The following CCSER1 variants were observed in gnomAD, a reference collection of about 807,000 sequenced individuals.
The protein encoded by CCSER1 is serine-rich coiled-coil domain-containing protein 1.
A neutral mutation model predicts 82.0 loss-of-function variants in CCSER1; 41 were observed. The observed-to-expected ratio is 0.50, with a 90% CI of 0.39 to 0.65. The LOEUF (loss-of-function observed/expected upper bound fraction) is 0.65, where lower values mean the gene tolerates loss of function less well. Ranked by LOEUF, CCSER1 falls within the 30% of genes least tolerant of loss-of-function variation. CCSER1 has a pLI of 0.00. For missense variants in CCSER1, 1,119 were observed against 1,064.2 expected (o/e 1.05, Z -0.72); for synonymous variants, 414 against 383.9 (o/e 1.08, Z -0.92).
At chr4:91,449,874 T>C (rs544210776) in intron 10 of CCSER1, among the ~76,000 whole-genome samples, 19 of 152,222 alleles carry the variant, frequency 1.2e-4, no homozygotes, top group Middle Eastern at 3.4e-3. Flanking sequence ...ATATAACTTT[T>C]TAATGTTCTC....
At chr4:90,788,140 G>T (rs571399781) in intron 7 of CCSER1, among the ~76,000 whole-genome samples, 1 of 152,112 alleles carries the variant, frequency 6.6e-6, no homozygotes, top group Non-Finnish European at 1.5e-5. Flanking sequence ...TAAGCACTTG[G>T]AGAGCTTTGA....
At chr4:91,520,642 A>G (rs1208913272) in intron 10 of CCSER1, among the ~76,000 whole-genome samples, 1 of 152,108 alleles carries the variant, frequency 6.6e-6, no homozygotes, top group Non-Finnish European at 1.5e-5. Context: ...TATGGATTCA[A>G]GTTACTGTCT....
intron 8 of CCSER1, among the ~76,000 whole-genome samples, chr4:90,880,800 C>G (rs1293186023): frequency 6.6e-6 from 1 of 152,024 alleles, no homozygotes; most frequent in African/African-American, 2.4e-5. Context: ...GGAGGTATCA[C>G]CATTGAAGGC....
At chr4:91,021,066 C>T (rs180991226) in intron 9 of CCSER1, among the ~76,000 whole-genome samples, 1 of 152,176 alleles carries the variant, frequency 6.6e-6, no homozygotes, top group East Asian at 1.9e-4. Flanking sequence ...ATTATGCCAA[C>T]TTATTTTTGA....
chr4:91,003,603 T>C (rs967765815), intron 9 of CCSER1, among the ~76,000 whole-genome samples: 1 of 152,052 alleles, frequency 6.6e-6, no homozygotes, highest in Non-Finnish European at 1.5e-5. Flanking sequence ...TTTCCAAACA[T>C]TGGGAGAGCA....
At chr4:90,681,945 G>A (rs944037668) in intron 6 of CCSER1, among the ~76,000 whole-genome samples, 42 of 151,722 alleles carry the variant, frequency 2.8e-4, no homozygotes, top group East Asian at 3.9e-4. Flanking sequence ...TAGTATTGCC[G>A]TAAGAAAACA....
At chr4:91,327,256 T>A (rs1051598192) in intron 10 of CCSER1, among the ~76,000 whole-genome samples, 1 of 152,194 alleles carries the variant, frequency 6.6e-6, no homozygotes, top group East Asian at 1.9e-4. Context: ...GTTTCCATAA[T>A]CCTCTGAAAT....
At chr4:90,239,509 T>C (rs1560857730) in intron 1 of CCSER1, among the ~76,000 whole-genome samples, 1 of 152,174 alleles carries the variant, frequency 6.6e-6, no homozygotes, top group Non-Finnish European at 1.5e-5. Context: ...TGATCTGTTA[T>C]ATATATATTA....
intron 1 of CCSER1, among the ~76,000 whole-genome samples, chr4:90,135,891 C>A (rs1418138581): frequency 1.3e-5 from 2 of 152,156 alleles, no homozygotes; most frequent in Non-Finnish European, 2.9e-5. Flanking sequence ...GTTTACTGAA[C>A]AGCTTAATCC....
chr4:90,482,503 G>A (rs529278415), intron 5 of CCSER1, among the ~76,000 whole-genome samples: 1 of 152,136 alleles, frequency 6.6e-6, no homozygotes, highest in Non-Finnish European at 1.5e-5. Context: ...TCTCTTGTGG[G>A]CATTTAGTGC....
intron 3 of CCSER1, among the ~76,000 whole-genome samples, chr4:90,329,610 T>G (rs879017146): frequency 6.6e-6 from 1 of 152,132 alleles, no homozygotes; most frequent in Admixed American, 6.6e-5. Flanking sequence ...GCTATTTACT[T>G]GATTTGTATT....
At chr4:91,185,842 C>T (rs1379550611) in intron 10 of CCSER1, among the ~76,000 whole-genome samples, 5 of 152,152 alleles carry the variant, frequency 3.3e-5, no homozygotes, top group Non-Finnish European at 4.4e-5. Flanking sequence ...GGAGTATTTC[C>T]TTTATCCACT....
chr4:91,099,454 C>G (rs952833215), intron 10 of CCSER1, among the ~76,000 whole-genome samples: 2 of 152,126 alleles, frequency 1.3e-5, no homozygotes, highest in South Asian at 4.1e-4. Flanking sequence ...TGAAAAGGGT[C>G]AAACTCTGTA....
chr4:90,934,452 C>A (rs1311798313), intron 9 of CCSER1, among the ~76,000 whole-genome samples: 1 of 123,294 alleles, frequency 8.1e-6, no homozygotes, highest in African/African-American at 3.4e-5. Context: ...AGAATATTTT[C>A]TTCTTTTGCC....
chr4:90,254,563 T>C (rs1303625804), intron 1 of CCSER1, among the ~76,000 whole-genome samples: 4 of 152,092 alleles, frequency 2.6e-5, no homozygotes, highest in South Asian at 4.1e-4. Flanking sequence ...TTGCCTGCAG[T>C]GGAGCTTCAG....
chr4:91,180,770 T>A (rs1266696604), intron 10 of CCSER1, among the ~76,000 whole-genome samples: 2 of 152,186 alleles, frequency 1.3e-5, no homozygotes, highest in Admixed American at 6.5e-5. Context: ...AGGTGTGAAA[T>A]GGGAAATCAG....
intron 10 of CCSER1, chr4:91,319,561 G>A (rs1746052342): frequency 2.4e-6 from 1 of 423,078 alleles, no homozygotes; most frequent in South Asian, 1.7e-5. Flanking sequence ...GCTATCCTGT[G>A]AAAGAAGTAA....
Position 90,691,749 on chromosome 4 carries a change from AT to A in CCSER1, c.1933-32164del, listed in dbSNP as rs1331232969. On this transcript the variant is annotated intron_variant, in intron 6 of 10. Transcript: ENST00000509176. Reference sequence around the variant, plus strand: ...AGGAGTACATATGCAGGTTTGTTATATAGGTAAATTGCATGTCACAGGGGTT... The same window carrying A: ...AGGAGTACATATGCAGGTTTGTTATAAGGTAAATTGCATGTCACAGGGGTT... 2.6e-5 allele frequency among the ~76,000 whole-genome samples: 4 copies of A among 151,762 alleles called. No individual in the cohort carries two copies. The East Asian group carries it at 5.8e-4, about 22-fold the overall frequency.
At chr4:90,779,038 T>C (rs1753370376) in intron 7 of CCSER1, among the ~76,000 whole-genome samples, 2 of 152,166 alleles carry the variant, frequency 1.3e-5, no homozygotes, top group Non-Finnish European at 2.9e-5. Context: ...TCGTCTTATT[T>C]CCCTCAATGG....
Sources: gnomAD v4.1 joint callset for allele counts (sites outside exome capture counted in the v4.1 genomes callset) on GRCh38, gnomAD v4.1.1 for gene constraint, MANE v1.5 for transcripts, NCBI Gene and HGNC (gene_info 2026-07-23, HGNC 2026-07-21) for gene names.